Variants in SEMA6D observed in about 807,000 individuals in gnomAD.
The protein encoded by SEMA6D is semaphorin 6D.
SEMA6D carries 35 observed loss-of-function variants against 106.6 expected under a neutral mutation model. The observed-to-expected ratio is 0.33, with a 90% CI of 0.25 to 0.44. SEMA6D has a LOEUF of 0.44. SEMA6D is among the 20% of genes least tolerant of loss of function. SEMA6D has a pLI of 1.00. For synonymous variants in SEMA6D, 499 were observed against 487.7 expected, an observed-to-expected ratio of 1.02 and a Z score of -0.31; for missense variants, 1,185 against 1,345.9, an observed-to-expected ratio of 0.88 and a Z score of 1.87.
intron 1 of SEMA6D, chr15:47,730,452 T>A (rs1596828713): frequency 2.9e-6 from 4 of 1,382,084 alleles, no homozygotes; most frequent in East Asian, 4.6e-5. Flanking sequence ...ACCAGCTCGA[T>A]GGGATCCACG....
intron 1 of SEMA6D, among the ~76,000 whole-genome samples, chr15:47,342,830 C>T (rs978250257): frequency 6.6e-6 from 1 of 152,122 alleles, no homozygotes. Context: ...CCTGCCTCAG[C>T]CTCCTGGGTA....
chr15:47,515,728 T>G (rs1477476575), intron 3 of SEMA6D, among the ~76,000 whole-genome samples: 1 of 152,198 alleles, frequency 6.6e-6, no homozygotes, highest in African/African-American at 2.4e-5. Context: ...GTTAGCATCT[T>G]CTTAAAATAT....
chr15:47,215,862 A>C (rs751351615), intron 1 of SEMA6D, among the ~76,000 whole-genome samples: 1 of 152,202 alleles, frequency 6.6e-6, no homozygotes, highest in Non-Finnish European at 1.5e-5. Flanking sequence ...GAAGCATGTG[A>C]AGTACTGTGA....
rs548450684 is a variant in SEMA6D, at chr15:47,244,853, A to C, written c.-239+60435A>C. Among the ~76,000 whole-genome samples the C allele has an allele frequency of 3.3e-5, 5 of 152,246 alleles. No individual in the cohort carries two copies. The East Asian group carries it at 7.7e-4, about 24-fold the overall frequency. On this transcript the variant is annotated intron_variant, in intron 1 of 19. Coordinates refer to the SEMA6D transcript ENST00000558014. ...TTTCAACCCTCTGCCCACTCCCGTC[A>C]TCCCCCTCGCGGTAGTTCCAGTATC...
At chr15:47,760,190 A>C in intron 2 of SEMA6D, 114 bp from the exon 3 acceptor site, 1 of 719,428 alleles carries the variant, frequency 1.4e-6, no homozygotes, top group Non-Finnish European at 2.3e-6. Flanking sequence ...AGACCTTAAG[A>C]GAGGAATTTA....
At chr15:47,207,989 G>GCACACA (rs1350637399) in intron 1 of SEMA6D, among the ~76,000 whole-genome samples, 3 of 62,254 alleles carry the variant, frequency 4.8e-5, no homozygotes, top group Non-Finnish European at 9.5e-5. Flanking sequence ...CCACTGGCGC[G>GCACACA]CGCGCACACA....
intron 1 of SEMA6D, among the ~76,000 whole-genome samples, chr15:47,372,875 T>C (rs1172137510): frequency 6.6e-6 from 1 of 152,204 alleles, no homozygotes; most frequent in East Asian, 1.9e-4. Context: ...AGGGTCATTT[T>C]CAGGCTTAAG....
intron 3 of SEMA6D, among the ~76,000 whole-genome samples, chr15:47,471,554 A>G (rs976476772): frequency 3.3e-5 from 5 of 152,224 alleles, no homozygotes; most frequent in Non-Finnish European, 5.9e-5. Flanking sequence ...TCTGGCAGAC[A>G]TGAGCCTTTA....
At chr15:47,561,385 A>G (rs1426749264) in intron 3 of SEMA6D, among the ~76,000 whole-genome samples, 1 of 152,056 alleles carries the variant, frequency 6.6e-6, no homozygotes, top group Non-Finnish European at 1.5e-5. Flanking sequence ...ATCCAGCAAA[A>G]CCATCCTTCA....
At chr15:47,311,388 A>G (rs946249322) in intron 1 of SEMA6D, among the ~76,000 whole-genome samples, 10 of 152,130 alleles carry the variant, frequency 6.6e-5, no homozygotes, top group African/African-American at 2.4e-4. Context: ...TTATTTGTCA[A>G]GTGTTTTCAC....
chr15:47,292,381 G>T (rs531060356), intron 1 of SEMA6D, among the ~76,000 whole-genome samples: 39 of 152,124 alleles, frequency 2.6e-4, no homozygotes, highest in Admixed American at 5.2e-4. Context: ...CTTATAAAAC[G>T]AAGACTTAAT....
intron 4 of SEMA6D, among the ~76,000 whole-genome samples, chr15:47,652,867 A>G (rs75887828): frequency 0.021 from 3,146 of 152,318 alleles, 120 homozygotes; most frequent in African/African-American, 0.072. Flanking sequence ...AGTGAGTGGA[A>G]AGTATTTTTG....
rs192838072 is a variant in SEMA6D at position 47,535,744 on chromosome 15, C to T, written c.-86-65121C>T. ...TTTTCAAAAGTTAGTATTTCATTTC[C>T]AGGTAGCACAGGATGAGAGATGCGG... On this transcript the variant is annotated intron_variant, in intron 3 of 19. Coordinates refer to the SEMA6D transcript ENST00000558014. Among the ~76,000 whole-genome samples the T allele has an allele frequency of 4.6e-5, 7 of 151,736 alleles. No individual in the cohort carries two copies. In the East Asian group the frequency reaches 1.2e-3, roughly 25 times the overall value.
intron 1 of SEMA6D, among the ~76,000 whole-genome samples, chr15:47,740,476 C>T (rs545147140): frequency 1.1e-4 from 17 of 152,100 alleles, no homozygotes; most frequent in South Asian, 2.1e-4. Context: ...GCCAAGATTG[C>T]GCCACTGCAC....
chr15:47,263,435 T>A (rs897177505), intron 1 of SEMA6D, among the ~76,000 whole-genome samples: 3 of 151,888 alleles, frequency 2.0e-5, no homozygotes, highest in Non-Finnish European at 4.4e-5. Flanking sequence ...AGGCCAACAA[T>A]CATCTGGAAA....
chr15:47,495,466 T>A (rs886347789), intron 3 of SEMA6D, among the ~76,000 whole-genome samples: 4 of 152,032 alleles, frequency 2.6e-5, no homozygotes, highest in African/African-American at 9.7e-5. Context: ...GTAAATTTCC[T>A]TCCTTTCCCC....
chr15:47,283,537 T>C (rs16959134), intron 1 of SEMA6D, among the ~76,000 whole-genome samples: 2,607 of 152,296 alleles, frequency 0.017, 48 homozygotes, highest in African/African-American at 0.02. Context: ...ATCTCTTACG[T>C]TGGCAGCTTT....
intron 4 of SEMA6D, chr15:47,604,042 T>A (rs2076721417): frequency 6.6e-6 from 1 of 152,190 alleles, no homozygotes; most frequent in Non-Finnish European, 1.5e-5. Flanking sequence ...GCAGCATCAG[T>A]TAACGAGCAT....
At chr15:47,402,577 G>T (rs2040432008) in intron 1 of SEMA6D, among the ~76,000 whole-genome samples, 1 of 152,160 alleles carries the variant, frequency 6.6e-6, no homozygotes, top group South Asian at 2.1e-4. Flanking sequence ...GCGCTTTCAG[G>T]TTCTCTGCAC....
Sources: gnomAD v4.1 joint callset for allele counts (sites outside exome capture counted in the v4.1 genomes callset) on GRCh38, gnomAD v4.1.1 for gene constraint, MANE v1.5 for transcripts, NCBI Gene and HGNC (gene_info 2026-07-23, HGNC 2026-07-21) for gene names.